SLC8A1: variants seen among roughly 807,000 people sequenced by gnomAD.
SLC8A1 encodes the protein sodium/calcium exchanger 1.
Under a neutral mutation model 68.3 loss-of-function variants are expected in SLC8A1, and 18 were observed. The observed-to-expected ratio is 0.26, with a 90% CI of 0.18 to 0.39. SLC8A1 has a LOEUF of 0.39. Ranked by LOEUF, SLC8A1 falls within the 10% of genes least tolerant of loss-of-function variation. The probability of loss-of-function intolerance (pLI) is 1.00; values close to 1 mark genes in which losing one functional copy is unlikely to be tolerated. For synonymous variants in SLC8A1, 475 were observed against 415.5 expected, an observed-to-expected ratio of 1.14 and a Z score of -1.74; for missense variants, 985 against 1,156.7, an observed-to-expected ratio of 0.85 and a Z score of 2.15.
At chr2:40,337,025 C>T (rs549255233) in intron 2 of SLC8A1, among the ~76,000 whole-genome samples, 2 of 152,228 alleles carry the variant, frequency 1.3e-5, no homozygotes, top group South Asian at 4.1e-4. Flanking sequence ...AAGATATGAA[C>T]CTCTTTGTAA....
At chr2:40,496,980 C>T (rs370781575) in intron 1 of SLC8A1, among the ~76,000 whole-genome samples, 6 of 149,922 alleles carry the variant, frequency 4.0e-5, no homozygotes, top group Admixed American at 2.0e-4. Context: ...TGCTAGATGA[C>T]GAGTTAGTGG....
chr2:40,405,180 C>A (rs1453777793), intron 2 of SLC8A1, among the ~76,000 whole-genome samples: 1 of 152,140 alleles, frequency 6.6e-6, no homozygotes, highest in Non-Finnish European at 1.5e-5. Context: ...AGAAATACCC[C>A]AATTACTGGA....
intron 2 of SLC8A1, among the ~76,000 whole-genome samples, chr2:40,299,873 A>T (rs2071111779): frequency 6.6e-6 from 1 of 152,188 alleles, no homozygotes; most frequent in Non-Finnish European, 1.5e-5. Context: ...TGTTGACAAA[A>T]TAGTGGCAAA....
chr2:40,367,082 TC>T (rs1431161605), intron 2 of SLC8A1, among the ~76,000 whole-genome samples: 2 of 152,004 alleles, frequency 1.3e-5, no homozygotes, highest in African/African-American at 4.8e-5. Flanking sequence ...TAGGGATTTT[TC>T]ATAAAAACCA....
intron 2 of SLC8A1, among the ~76,000 whole-genome samples, chr2:40,182,871 G>T (rs1162333862): frequency 6.6e-6 from 1 of 152,106 alleles, no homozygotes; most frequent in Non-Finnish European, 1.5e-5. Context: ...TTTTCTTTAA[G>T]TCTGCCCTTG....
intron 6 of SLC8A1, among the ~76,000 whole-genome samples, chr2:40,153,324 T>G (rs1360396580): frequency 6.6e-6 from 1 of 151,768 alleles, no homozygotes; most frequent in Non-Finnish European, 1.5e-5. Flanking sequence ...ACAGGGGAGG[T>G]TAGAGGTCTT....
chr2:40,309,772 G>A (rs534499084), intron 2 of SLC8A1, among the ~76,000 whole-genome samples: 9 of 152,152 alleles, frequency 5.9e-5, no homozygotes, highest in African/African-American at 1.9e-4. Flanking sequence ...CCAAAGTGCT[G>A]GGATTACAGG....
chr2:40,123,894 T>C (rs1247074364), intron 7 of SLC8A1, among the ~76,000 whole-genome samples: 2 of 152,236 alleles, frequency 1.3e-5, no homozygotes, highest in African/African-American at 4.8e-5. Flanking sequence ...AAACACAATC[T>C]AGGGCTGCCC....
exon 2 of SLC8A1, chr2:40,429,464 C>A: frequency 6.2e-7 from 1 of 1,613,830 alleles, no homozygotes; most frequent in Non-Finnish European, 8.5e-7. Flanking sequence ...ATAATCATCC[C>A]CCTCTGCTTG....
chr2:40,492,191 A>G (rs1218165716), intron 1 of SLC8A1, among the ~76,000 whole-genome samples: 3 of 152,228 alleles, frequency 2.0e-5, no homozygotes, highest in East Asian at 1.9e-4. Context: ...ATAACGCCAC[A>G]TATCTACAAC....
chr2:40,342,105 G>A (rs1399090674), intron 2 of SLC8A1, among the ~76,000 whole-genome samples: 2 of 152,058 alleles, frequency 1.3e-5, no homozygotes, highest in Non-Finnish European at 2.9e-5. Context: ...AGTTAGTAAA[G>A]TTTCTTGTTA....
At chr2:40,157,674 T>G (rs1266970165) in intron 6 of SLC8A1, among the ~76,000 whole-genome samples, 1 of 152,192 alleles carries the variant, frequency 6.6e-6, no homozygotes, top group African/African-American at 2.4e-5. Flanking sequence ...CAGGGAATGC[T>G]GGCTTCATGG....
At chr2:40,368,890 C>T (rs1226845542) in intron 2 of SLC8A1, among the ~76,000 whole-genome samples, 1 of 151,906 alleles carries the variant, frequency 6.6e-6, no homozygotes, top group Non-Finnish European at 1.5e-5. Flanking sequence ...GACCACACAC[C>T]CACAACCATC....
chr2:40,258,745 C>T (rs558459492), intron 2 of SLC8A1, among the ~76,000 whole-genome samples: 11 of 151,864 alleles, frequency 7.2e-5, no homozygotes, highest in Middle Eastern at 3.4e-3. Flanking sequence ...GAAAGGATGA[C>T]GCAGGAGAAT....
chr2:40,220,786 G>C (rs555527495), intron 2 of SLC8A1, among the ~76,000 whole-genome samples: 3 of 151,842 alleles, frequency 2.0e-5, no homozygotes, highest in African/African-American at 7.3e-5. Context: ...CTTACAGAAT[G>C]ATGCAAGATT....
At chr2:40,362,560 A>G (rs997804761) in intron 2 of SLC8A1, among the ~76,000 whole-genome samples, 2 of 152,148 alleles carry the variant, frequency 1.3e-5, no homozygotes, top group African/African-American at 4.8e-5. Flanking sequence ...TTAATAATAC[A>G]CTATGTTAAT....
intron 2 of SLC8A1, among the ~76,000 whole-genome samples, chr2:40,232,813 T>C (rs1180236225): frequency 7.4e-6 from 1 of 134,778 alleles, no homozygotes; most frequent in Non-Finnish European, 1.6e-5. Flanking sequence ...GTGATCTCAT[T>C]GTTCAATTCC....
chr2:40,115,903 T>C (rs188730627), intron 7 of SLC8A1, among the ~76,000 whole-genome samples: 5 of 152,316 alleles, frequency 3.3e-5, no homozygotes, highest in African/African-American at 4.8e-5. Flanking sequence ...CTTTGTAATA[T>C]TGACCTTGCA....
intron 2 of SLC8A1, among the ~76,000 whole-genome samples, chr2:40,392,313 A>C (rs955306476): frequency 1.6e-4 from 24 of 152,104 alleles, no homozygotes; most frequent in Admixed American, 1.6e-3. Flanking sequence ...TTTAAATAAG[A>C]GTAAATCTCA....
Sources: gnomAD v4.1 joint callset for allele counts (sites outside exome capture counted in the v4.1 genomes callset) on GRCh38, gnomAD v4.1.1 for gene constraint, MANE v1.5 for transcripts, NCBI Gene and HGNC (gene_info 2026-07-23, HGNC 2026-07-21) for gene names.